The following PHF19 variants were observed in gnomAD, a reference collection of about 807,000 sequenced individuals.
PHF19 encodes PHD finger protein 19.
Under a neutral mutation model 79.8 loss-of-function variants are expected in PHF19, and 21 were observed. That is an observed-to-expected ratio of 0.26 (90% CI 0.19 to 0.38). PHF19 has a LOEUF of 0.38. Ranked by LOEUF, PHF19 falls within the 10% of genes least tolerant of loss-of-function variation. The probability of loss-of-function intolerance (pLI) is 1.00; values close to 1 mark genes in which losing one functional copy is unlikely to be tolerated. For missense variants in PHF19, 445 were observed against 744.2 expected (o/e 0.60, Z 4.68); for synonymous variants, 273 against 296.3 (o/e 0.92, Z 0.81).
intron 1 of PHF19, 178 bp downstream of exon 1, chr9:120,876,913 C>A: frequency 7.4e-6 from 7 of 946,584 alleles, no homozygotes; most frequent in Non-Finnish European, 7.6e-6. Context: ...GGTGGGGCCC[C>A]TCTGCCCCGC....
chr9:120,872,083 T>TCATCTCTGTATCCCCAGGACCTCATA (rs1297285904), intron 3 of PHF19, among the ~76,000 whole-genome samples: 1 of 140,886 alleles, frequency 7.1e-6, no homozygotes, highest in Non-Finnish European at 1.6e-5. Flanking sequence ...TGGTACCTCT[T>TCATCTCTGTATCCCCAGGACCTCATA]CATCTCTGTA....
In PHF19 at chr9:120,869,665, G is replaced by A. The variant is rs2045829435; in HGVS notation, c.465+180C>T. The A allele has an allele frequency of 6.5e-7, 1 of 1,546,876 alleles. No individual in the cohort carries two copies. Among genetic ancestry groups the A allele is most frequent in the Non-Finnish European group, 8.7e-7 (1 of 1,143,292 alleles). ...AAACCCATCTCCACTTTACAGTTGA[G>A]GAAACTGAGGCTCAGGGAGTCTACA... On this transcript the variant is annotated intron_variant, in intron 5 of 14. Coordinates refer to ENST00000373896, the MANE Select transcript of PHF19 (RefSeq NM_015651.3). This position sits in a 1 kb window ranked among gnomAD's most constrained non-coding sequence, Gnocchi z 5.8.
intron 1 of PHF19, among the ~76,000 whole-genome samples, chr9:120,885,750 CTCT>C (rs918844315): frequency 1.3e-5 from 2 of 152,154 alleles, no homozygotes; most frequent in African/African-American, 4.8e-5. Flanking sequence ...CCCAGCAGTC[CTCT>C]TGAGTTTTTT....
chr9:120,869,018 A>C lies in PHF19; in HGVS notation c.614+164T>G. On this transcript the variant is annotated intron_variant, in intron 6 of 14. Coordinates refer to ENST00000373896, the MANE Select transcript of PHF19 (RefSeq NM_015651.3). This position sits in a 1 kb window ranked among gnomAD's most constrained non-coding sequence, Gnocchi z 5.8. The stretch of plus-strand genomic sequence containing the variant: ...GCCCCACCCCCGCGGCTGACACTCC[A>C]GGCCCGCCCCTCGAGGCCCCGCCCC... The C allele has an allele frequency of 5.5e-6, 1 of 181,598 alleles. No homozygotes were observed. Among genetic ancestry groups the C allele is most frequent in the Non-Finnish European group, 6.7e-6 (1 of 149,672 alleles). 11.2% of individuals were successfully genotyped at this position (181,598 alleles called of 1,614,324 possible).
In PHF19 at chr9:120,866,237, G is replaced by A; in HGVS notation, c.711-141C>T. ...AGGACTGCTGGCCACTGGGGGTCAA[G>A]GACAGGGCAGGACAGGGACTAAGAG... is the stretch of plus-strand genomic sequence containing the variant. On this transcript the variant is annotated intron_variant, in intron 7 of 14. Coordinates refer to ENST00000373896, the MANE Select transcript of PHF19 (RefSeq NM_015651.3). The surrounding 1 kb of genome is among the most constrained non-coding windows in gnomAD (Gnocchi z 5.2). The A allele has an allele frequency of 1.5e-6, 1 of 682,444 alleles. No individual in the cohort carries two copies. The highest frequency in any genetic ancestry group is 2.7e-6 in the Non-Finnish European group (1 of 369,224). 42.3% of individuals were successfully genotyped at this position (682,444 alleles called of 1,614,324 possible).
the PHF19 span, among the ~76,000 whole-genome samples, chr9:120,900,328 AG>A: frequency 6.6e-6 from 1 of 152,226 alleles, no homozygotes; most frequent in Non-Finnish European, 1.5e-5. Context: ...GCCTGGAAGA[AG>A]GGGCTAATGG....
At position 120,862,061 on chromosome 9, in the gene PHF19, T is replaced by C. The variant is rs1200949281; in HGVS notation, c.1131-56A>G. The C allele has an allele frequency of 5.9e-6, 8 of 1,355,580 alleles. No homozygotes were observed. The highest frequency in any genetic ancestry group is 2.9e-5 in the African/African-American group (2 of 69,734). 84.0% of individuals were successfully genotyped at this position (1,355,580 alleles called of 1,614,324 possible). ...CCGTCAGAGCCTGAGGGCCCTAGGG[T>C]GGCCCAGAGGGAGGCGCCGCAGGGG... On this transcript the variant is annotated intron_variant, in intron 11 of 14. Transcript: ENST00000373896. This position sits in a 1 kb window ranked among gnomAD's most constrained non-coding sequence, Gnocchi z 4.6.
intron 3 of PHF19, among the ~76,000 whole-genome samples, chr9:120,872,882 A>G (rs1026146322): frequency 1.3e-5 from 2 of 152,052 alleles, no homozygotes; most frequent in Non-Finnish European, 2.9e-5. Context: ...TTGGCCTCCC[A>G]AAGTGCTGGG....
intron 1 of PHF19, among the ~76,000 whole-genome samples, chr9:120,889,153 C>T (rs1588138097): frequency 6.6e-6 from 1 of 152,126 alleles, no homozygotes; most frequent in Non-Finnish European, 1.5e-5. Flanking sequence ...TGAGGCCAGG[C>T]GCGATGGCAC....
At chr9:120,880,808 A>G (rs1211588517), upstream of PHF19, among the ~76,000 whole-genome samples, 1 of 151,702 alleles carries the variant, frequency 6.6e-6, no homozygotes, top group Non-Finnish European at 1.5e-5. Context: ...AAAAATACAA[A>G]AATTAGCTGG....
At chr9:120,868,845 G>C (rs1008951158) in intron 6 of PHF19, 6 of 1,066,060 alleles carry the variant, frequency 5.6e-6, no homozygotes, top group Non-Finnish European at 6.8e-6. Context: ...CAACCCGCCA[G>C]GCCCGCCTCC....
Position 120,866,258 on chromosome 9 carries a change from AAG to A in PHF19, c.711-164_711-163del, listed in dbSNP as rs1176841726. 2.6e-5 allele frequency among the ~76,000 whole-genome samples: 4 copies of A among 152,100 alleles called. No homozygotes were observed. The highest frequency in any genetic ancestry group is 5.9e-5 in the Non-Finnish European group (4 of 68,004). On this transcript the variant is annotated intron_variant, in intron 7 of 14. Transcript: ENST00000373896. This position sits in a 1 kb window ranked among gnomAD's most constrained non-coding sequence, Gnocchi z 5.2. ...TCAAGGACAGGGCAGGACAGGGACT[AAG>A]AGATACCCCATATTCCTTCTAACCC...
intron 1 of PHF19, among the ~76,000 whole-genome samples, chr9:120,890,808 T>A (rs1475964887): frequency 6.6e-6 from 1 of 152,128 alleles, no homozygotes; most frequent in East Asian, 1.9e-4. Context: ...ACAGGTTTGT[T>A]CATCCACACG....
At chr9:120,890,640 T>C (rs2046330232) in intron 1 of PHF19, among the ~76,000 whole-genome samples, 1 of 152,156 alleles carries the variant, frequency 6.6e-6, no homozygotes, top group Non-Finnish European at 1.5e-5. Context: ...ACACGCAATC[T>C]TTGATTCAAA....
chr9:120,864,048 CCGGCTTTTATAACTGTTCAGAG>C lies in PHF19; in HGVS notation c.947_968del (p.Ala316GlyfsTer111). 1 of 1,613,258 alleles carries C rather than the reference CCGGCTTTTATAACTGTTCAGAG, an allele frequency of 6.2e-7. No individual in the cohort carries two copies. The highest frequency in any genetic ancestry group is 8.5e-7 in the Non-Finnish European group (1 of 1,179,530). ...ACACTCCCTCCCCTCCCTGCACGCA[CCGGCTTTTATAACTGTTCAGAG>C]CGTTGAGGAGATGTGGTCCTCGATC... On this transcript the variant is annotated frameshift_variant and splice_region_variant, in exon 10 of 15. Transcript: ENST00000373896. LOFTEE classifies it high-confidence loss of function.
At position 120,866,076 on chromosome 9, in the gene PHF19, G is replaced by A. The variant is rs1462826447; in HGVS notation, c.731C>T (p.Ser244Phe). 6.2e-7 allele frequency: 1 copy of A among 1,613,998 alleles called. No individual in the cohort carries two copies. The highest frequency in any genetic ancestry group is 1.1e-5 in the South Asian group (1 of 91,076). ...GTACTCTGGGCCCTGGTTACACACG[G>A]AGCAGAAGAACAGGTAAAACCTGTG... ...FGDRFYLFFCSVCNQGPEYIE... is the reference protein window; with the variant it reads ...FGDRFYLFFCFVCNQGPEYIE... Residue 244 changes from serine (S) to phenylalanine (F), a missense_variant, in exon 8 of 15, where the codon TCC becomes TTC. Physicochemically the swap from Ser to Phe is radical, Grantham distance 155 (BLOSUM62 -2). Coordinates refer to ENST00000373896, the MANE Select transcript of PHF19 (RefSeq NM_015651.3). This position sits in a 1 kb window ranked among gnomAD's most constrained non-coding sequence, Gnocchi z 5.2.
intron 9 of PHF19, among the ~76,000 whole-genome samples, chr9:120,864,713 A>T (rs2045644760): frequency 6.6e-6 from 1 of 150,622 alleles, no homozygotes. Flanking sequence ...AATTTTATGA[A>T]GATTCTAATA....
chr9:120,879,053 CT>C (rs2046138634), upstream of PHF19, among the ~76,000 whole-genome samples: 3 of 150,706 alleles, frequency 2.0e-5, 1 homozygote, highest in South Asian at 6.3e-4. Context: ...GAGTGTGTCA[CT>C]TCTTTCTTTC....
the PHF19 span, among the ~76,000 whole-genome samples, chr9:120,900,739 A>T: frequency 6.6e-6 from 1 of 151,584 alleles, no homozygotes; most frequent in Non-Finnish European, 1.5e-5. Flanking sequence ...GCTAATTTTC[A>T]GTTTTTCTAT....
Sources: gnomAD v4.1 joint callset for allele counts (sites outside exome capture counted in the v4.1 genomes callset) on GRCh38, gnomAD v4.1.1 for gene constraint, Gnocchi (gnomAD v3.1) non-coding constraint, MANE v1.5 for transcripts, NCBI Gene and HGNC (gene_info 2026-07-23, HGNC 2026-07-21) for gene names.